MTUS2: variants seen among roughly 807,000 people sequenced by gnomAD.
The protein encoded by MTUS2 is microtubule associated scaffold protein 2, also known as microtubule-associated tumor suppressor candidate 2.
Under a neutral mutation model 114.1 loss-of-function variants are expected in MTUS2, and 40 were observed. The ratio of observed to expected loss-of-function variants is 0.35; its 90% confidence interval spans 0.27 to 0.46. The LOEUF is 0.46. MTUS2 is among the 20% of genes least tolerant of loss of function. MTUS2 has a pLI of 1.00. For synonymous variants in MTUS2, 688 were observed against 672.0 expected (o/e 1.02, Z -0.37); for missense variants, 1,679 against 1,705.4 (o/e 0.98, Z 0.27).
chr13:29,220,121 A>G (rs1895849998), intron 5 of MTUS2, among the ~76,000 whole-genome samples: 1 of 151,498 alleles, frequency 6.6e-6, no homozygotes, highest in Non-Finnish European at 1.5e-5. Context: ...TTAGCCTCCC[A>G]AGTAGCTGGG....
At chr13:29,426,647 G>A (rs1876555001) in intron 8 of MTUS2, among the ~76,000 whole-genome samples, 1 of 152,066 alleles carries the variant, frequency 6.6e-6, no homozygotes, top group Admixed American at 6.5e-5. Flanking sequence ...TTTGTGACTG[G>A]CTTATTTCAC....
At chr13:29,333,103 A>G (rs1900876550) in intron 7 of MTUS2, among the ~76,000 whole-genome samples, 1 of 151,922 alleles carries the variant, frequency 6.6e-6, no homozygotes, top group Admixed American at 6.6e-5. Context: ...GAACTTATTT[A>G]TTTTTGCTTT....
chr13:29,245,122 T>G (rs1187897596), intron 5 of MTUS2, among the ~76,000 whole-genome samples: 2 of 152,002 alleles, frequency 1.3e-5, no homozygotes. Flanking sequence ...ATGTTTCTGA[T>G]GAATAAGAGA....
intron 2 of MTUS2, among the ~76,000 whole-genome samples, chr13:28,903,862 G>C (rs1177744475): frequency 6.8e-6 from 1 of 147,634 alleles, no homozygotes; most frequent in African/African-American, 2.6e-5. Flanking sequence ...GGTTGAACTA[G>C]TTTACAGTCC....
chr13:29,153,840 A>C (rs1292302721), intron 5 of MTUS2, among the ~76,000 whole-genome samples: 1 of 152,190 alleles, frequency 6.6e-6, no homozygotes, highest in Non-Finnish European at 1.5e-5. Flanking sequence ...GTATTTTTTA[A>C]CATTTTAAAG....
intron 6 of MTUS2, among the ~76,000 whole-genome samples, chr13:29,298,940 G>A (rs147927714): frequency 3.9e-4 from 60 of 152,248 alleles, no homozygotes; most frequent in African/African-American, 1.4e-3. Context: ...TATGCTGACC[G>A]TGGTCTCCCC....
chr13:29,327,606 A>T (rs539071326), intron 7 of MTUS2, among the ~76,000 whole-genome samples: 214 of 152,294 alleles, frequency 1.4e-3, no homozygotes, highest in African/African-American at 4.8e-3. Context: ...TATAGATATC[A>T]CTATTTATTT....
At chr13:29,350,131 CTT>C (rs963195427) in intron 7 of MTUS2, among the ~76,000 whole-genome samples, 3 of 151,916 alleles carry the variant, frequency 2.0e-5, no homozygotes, top group Admixed American at 6.6e-5. Flanking sequence ...CTTTCCCTTT[CTT>C]TTTCTTAAAA....
intron 5 of MTUS2, among the ~76,000 whole-genome samples, chr13:29,252,751 G>A (rs1336562548): frequency 6.6e-6 from 1 of 152,070 alleles, no homozygotes; most frequent in Non-Finnish European, 1.5e-5. Context: ...TCTCATGGTA[G>A]TGAATAAGTC....
chr13:29,358,286 A>T (rs1438633635), intron 7 of MTUS2, among the ~76,000 whole-genome samples: 3 of 152,126 alleles, frequency 2.0e-5, no homozygotes, highest in African/African-American at 7.2e-5. Context: ...ACTGTGGTGG[A>T]GTGCTTTCCT....
chr13:29,082,421 T>A (rs1370385682), intron 4 of MTUS2, among the ~76,000 whole-genome samples: 1 of 152,220 alleles, frequency 6.6e-6, no homozygotes, highest in African/African-American at 2.4e-5. Context: ...CTGATGGTGA[T>A]ATTTTCATCT....
At chr13:28,858,351 C>G (rs1409689309) in intron 2 of MTUS2, among the ~76,000 whole-genome samples, 2 of 152,070 alleles carry the variant, frequency 1.3e-5, no homozygotes, top group African/African-American at 4.8e-5. Context: ...TTTCACTGAC[C>G]TGCTGGAGAA....
chr13:28,951,469 C>G (rs1882805214), intron 2 of MTUS2, among the ~76,000 whole-genome samples: 1 of 152,012 alleles, frequency 6.6e-6, no homozygotes, highest in Non-Finnish European at 1.5e-5. Context: ...CCTTCTCCTC[C>G]TAGTTTTGTG....
Position 29,200,799 on chromosome 13 carries a change from C to T in MTUS2, c.2645-80905C>T, listed in dbSNP as rs115180555. Among the ~76,000 whole-genome samples the T allele has an allele frequency of 5.1e-3, 778 of 152,158 alleles. 6 individuals carry two copies. Among genetic ancestry groups the T allele is most frequent in the African/African-American group, 0.017 (714 of 41,500 alleles). On this transcript the variant is annotated intron_variant, in intron 5 of 15. Transcript: ENST00000612955. ...CCTCCCAAAGTGCAGAGATTACAAG[C>T]GTGAGCCACATGCCTGGACTGGAGT... is the stretch of plus-strand genomic sequence containing the variant.
chr13:29,131,323 G>A (rs1346404914), intron 5 of MTUS2, among the ~76,000 whole-genome samples: 2 of 152,226 alleles, frequency 1.3e-5, no homozygotes, highest in Non-Finnish European at 2.9e-5. Context: ...TTGAATCCCA[G>A]TCTTACTGAC....
intron 6 of MTUS2, among the ~76,000 whole-genome samples, chr13:29,286,431 T>G (rs895249698): frequency 6.6e-6 from 1 of 152,216 alleles, no homozygotes; most frequent in Non-Finnish European, 1.5e-5. Context: ...ATACAGTAAG[T>G]TAACTCAGCT....
At chr13:29,313,618 C>G (rs915276153) in intron 6 of MTUS2, among the ~76,000 whole-genome samples, 1 of 152,026 alleles carries the variant, frequency 6.6e-6, no homozygotes, top group Non-Finnish European at 1.5e-5. Flanking sequence ...ATAAAAACAA[C>G]AGAGAAATCA....
intron 6 of MTUS2, among the ~76,000 whole-genome samples, chr13:29,321,158 T>TA (rs757516491): frequency 6.4e-4 from 88 of 137,214 alleles, no homozygotes; most frequent in Admixed American, 1.9e-3. Flanking sequence ...TCAGTGTACA[T>TA]AAGTTGGTGA....
chr13:28,891,454 G>T (rs951992232), intron 2 of MTUS2, among the ~76,000 whole-genome samples: 9 of 152,118 alleles, frequency 5.9e-5, no homozygotes, highest in African/African-American at 2.2e-4. Flanking sequence ...TTGAAAAAAG[G>T]CAGAATCGTA....
Sources: gnomAD v4.1 joint callset for allele counts (sites outside exome capture counted in the v4.1 genomes callset) on GRCh38, gnomAD v4.1.1 for gene constraint, MANE v1.5 for transcripts, NCBI Gene and HGNC (gene_info 2026-07-23, HGNC 2026-07-21) for gene names.